KCNN3: variants seen among roughly 807,000 people sequenced by gnomAD.
KCNN3 encodes small conductance calcium-activated potassium channel protein 3.
In KCNN3, 16 loss-of-function variants were observed where a neutral mutation model predicts 62.9. That is an observed-to-expected ratio of 0.25 (90% CI 0.17 to 0.39). The LOEUF (loss-of-function observed/expected upper bound fraction) is 0.39, where lower values mean the gene tolerates loss of function less well. KCNN3 is among the 10% of genes least tolerant of loss of function. KCNN3 has a pLI of 1.00. For synonymous variants in KCNN3, 370 were observed against 389.2 expected (o/e 0.95, Z 0.58); for missense variants, 599 against 949.4 (o/e 0.63, Z 4.85).
At chr1:154,779,127 C>T (rs1001672317) in intron 2 of KCNN3, among the ~76,000 whole-genome samples, 6 of 152,108 alleles carry the variant, frequency 3.9e-5, no homozygotes, top group Admixed American at 3.3e-4. Flanking sequence ...AGAAGCTCAC[C>T]CAAGGTGAGA....
intron 1 of KCNN3, among the ~76,000 whole-genome samples, chr1:154,842,637 C>T (rs930872120): frequency 1.0e-2 from 207 of 20,752 alleles, no homozygotes; most frequent in Non-Finnish European, 0.025. Context: ...GGACCCCCCC[C>T]CCGCCACCAC....
In KCNN3 at chr1:154,783,135, C is replaced by G. The variant is rs577836378; in HGVS notation, c.1030-10742G>C. Among the ~76,000 whole-genome samples the G allele has an allele frequency of 1.1e-3, 161 of 151,908 alleles. 1 individual carries two copies. Among genetic ancestry groups the G allele is most frequent in the Non-Finnish European group, 1.7e-3 (114 of 67,938 alleles). ...GGCTGAGGCAGGAGAATGGCCTGAACCCGGGAGGCAGAGCTTGCAGTGAGT... is the reference window on the plus strand; with the variant it reads ...GGCTGAGGCAGGAGAATGGCCTGAAGCCGGGAGGCAGAGCTTGCAGTGAGT... On this transcript the variant is annotated intron_variant, in intron 2 of 7. Coordinates refer to ENST00000271915, the MANE Select transcript of KCNN3 (RefSeq NM_002249.6).
intron 1 of KCNN3, among the ~76,000 whole-genome samples, chr1:154,828,609 C>T (rs1651244941): frequency 6.6e-6 from 1 of 152,114 alleles, no homozygotes; most frequent in Non-Finnish European, 1.5e-5. Flanking sequence ...GTCCTTTAAC[C>T]TCTCTGGGCC....
rs1411424701 is a variant in KCNN3, at chr1:154,702,747, A to ATATATATATG, written c.*5228_*5229insCATATATATA. 2 of 85,814 alleles carry ATATATATATG rather than the reference A, an allele frequency of 2.3e-5. No homozygotes were observed. Among genetic ancestry groups the ATATATATATG allele is most frequent in the South Asian group, 3.8e-4 (1 of 2,610 alleles). 5.3% of individuals were successfully genotyped at this position (85,814 alleles called of 1,614,324 possible). A position where few individuals can be genotyped will look rare whatever the true frequency, so the allele number is the denominator to read the frequency against. On this transcript the variant is annotated 3_prime_UTR_variant, in exon 8 of 8. Coordinates refer to ENST00000271915, the MANE Select transcript of KCNN3 (RefSeq NM_002249.6). ...TATATATATATATATATATATATATATGTACTTTTTCTTTTTGGCTATAAA... is the reference window on the plus strand; with the variant it reads ...TATATATATATATATATATATATATATATATATATGTGTACTTTTTCTTTTTGGCTATAAA...
intron 2 of KCNN3, among the ~76,000 whole-genome samples, chr1:154,788,506 AC>A (rs1649380003): frequency 2.0e-5 from 3 of 152,232 alleles, no homozygotes; most frequent in Admixed American, 2.0e-4. Flanking sequence ...ATTTCAAGGA[AC>A]ACTGGGAAAT....
intron 2 of KCNN3, among the ~76,000 whole-genome samples, chr1:154,808,446 C>T (rs543907752): frequency 1.3e-5 from 2 of 152,286 alleles, no homozygotes; most frequent in East Asian, 1.9e-4. Flanking sequence ...CAGCAGCGTC[C>T]TCATTCCCAT....
chr1:154,746,320 G>C (rs1700934540), intron 3 of KCNN3, among the ~76,000 whole-genome samples: 3 of 152,200 alleles, frequency 2.0e-5, no homozygotes, highest in Admixed American at 2.0e-4. Context: ...CAGAGGAGCA[G>C]GTATGGGTTG....
In KCNN3 at chr1:154,859,800, C is replaced by T. The variant is rs1652689286; in HGVS notation, c.933+9232G>A. ...TCAGCAAGCTCTAAGGAGTAGGTGC[C>T]AGCTCAGTCCCTGCAAGGAGTGTCC... is the stretch of plus-strand genomic sequence containing the variant. On this transcript the variant is annotated intron_variant, in intron 1 of 7. Coordinates refer to ENST00000271915, the MANE Select transcript of KCNN3 (RefSeq NM_002249.6). The T allele has an allele frequency of 2.5e-6, 4 of 1,613,496 alleles. No homozygotes were observed. The African/African-American group carries it at 5.3e-5, about 22-fold the overall frequency.
chr1:154,749,835 C>G (rs1207885502), intron 3 of KCNN3, among the ~76,000 whole-genome samples: 1 of 152,128 alleles, frequency 6.6e-6, no homozygotes, highest in Non-Finnish European at 1.5e-5. Flanking sequence ...ACCCGGGGTC[C>G]CCACGGCCGT....
intron 7 of KCNN3, among the ~76,000 whole-genome samples, chr1:154,710,841 C>A (rs1700058392): frequency 6.6e-6 from 1 of 152,142 alleles, no homozygotes; most frequent in Non-Finnish European, 1.5e-5. Flanking sequence ...AGTCAGGAAA[C>A]AACAGGTGCT....
intron 3 of KCNN3, among the ~76,000 whole-genome samples, chr1:154,752,121 T>C (rs1557957247): frequency 6.6e-6 from 1 of 152,082 alleles, no homozygotes; most frequent in African/African-American, 2.4e-5. Context: ...AAATCTGTCA[T>C]GAGTAGAGAT....
At chr1:154,789,210 C>T (rs1649408747) in intron 2 of KCNN3, among the ~76,000 whole-genome samples, 1 of 152,196 alleles carries the variant, frequency 6.6e-6, no homozygotes, top group Non-Finnish European at 1.5e-5. Flanking sequence ...CTCCAGCCTC[C>T]TGCTTCACCA....
chr1:154,775,575 C>T (rs901252418), intron 2 of KCNN3, among the ~76,000 whole-genome samples: 1 of 133,118 alleles, frequency 7.5e-6, no homozygotes, highest in South Asian at 3.2e-4. Flanking sequence ...GCCCCCCACC[C>T]ACCCACCCAT....
Position 154,699,126 on chromosome 1 carries a change from T to C in KCNN3, c.*8850A>G, listed in dbSNP as rs899421575. The C allele has an allele frequency of 1.3e-5, 2 of 151,266 alleles. No individual in the cohort carries two copies. Among genetic ancestry groups the C allele is most frequent in the Non-Finnish European group, 2.9e-5 (2 of 67,926 alleles). 9.4% of individuals were successfully genotyped at this position (151,266 alleles called of 1,614,324 possible). ...TGTTTTCCAAAGGAAAAATGTTTCC[T>C]CTTTGGTGACCTGAGAAAGTTTACC... On this transcript the variant is annotated 3_prime_UTR_variant, in exon 8 of 8. Coordinates refer to ENST00000271915, the MANE Select transcript of KCNN3 (RefSeq NM_002249.6).
At chr1:154,859,120 C>T (rs1298647933) in intron 1 of KCNN3, among the ~76,000 whole-genome samples, 2 of 152,372 alleles carry the variant, frequency 1.3e-5, no homozygotes, top group South Asian at 2.1e-4. Flanking sequence ...CCCAAGCCCT[C>T]ACCTTGGGAG....
intron 1 of KCNN3, among the ~76,000 whole-genome samples, chr1:154,837,312 T>C (rs1651634076): frequency 6.6e-6 from 1 of 152,180 alleles, no homozygotes; most frequent in African/African-American, 2.4e-5. Flanking sequence ...TGTTTTTCTT[T>C]TTTTTGCATT....
chr1:154,739,502 C>G (rs1050449344), intron 3 of KCNN3, among the ~76,000 whole-genome samples: 16 of 152,100 alleles, frequency 1.1e-4, no homozygotes, highest in Non-Finnish European at 2.9e-5. Context: ...TTCATTTTTC[C>G]TATTTCCGAC....
At chr1:154,802,715 C>T (rs940567083) in intron 2 of KCNN3, among the ~76,000 whole-genome samples, 11 of 152,186 alleles carry the variant, frequency 7.2e-5, no homozygotes, top group Non-Finnish European at 1.3e-4. Flanking sequence ...TCATCAAAAC[C>T]CTCCAGCCAG....
intron 3 of KCNN3, among the ~76,000 whole-genome samples, chr1:154,767,866 C>T (rs1200277149): frequency 6.6e-6 from 1 of 152,218 alleles, no homozygotes; most frequent in Admixed American, 6.5e-5. Context: ...CCCACTTTCT[C>T]TCCTTGGGAG....
Sources: allele counts gnomAD v4.1 joint callset (sites outside exome capture counted in the v4.1 genomes callset), GRCh38; gene constraint gnomAD v4.1.1; transcripts MANE v1.5; gene names NCBI Gene and HGNC (gene_info 2026-07-23, HGNC 2026-07-21).